DNAJC13: variants seen among roughly 807,000 people sequenced by gnomAD.
DNAJC13 encodes DnaJ heat shock protein family (Hsp40) member C13, also known as dnaJ homolog subfamily C member 13.
Under a neutral mutation model 290.5 loss-of-function variants are expected in DNAJC13, and 75 were observed. The observed-to-expected ratio is 0.26, with a 90% CI of 0.21 to 0.31. The LOEUF is 0.31. Among genes scored for constraint, DNAJC13 ranks in the 10% least tolerant of loss-of-function variants. The probability of loss-of-function intolerance (pLI) is 1.00; values close to 1 mark genes in which losing one functional copy is unlikely to be tolerated. For missense variants in DNAJC13, 2,260 were observed against 2,674.5 expected, an observed-to-expected ratio of 0.85 and a Z score of 3.42; for synonymous variants, 862 against 892.0, an observed-to-expected ratio of 0.97 and a Z score of 0.60.
chr3:132,439,641 T>C (rs1438085038), intron 2 of DNAJC13, among the ~76,000 whole-genome samples: 1 of 152,208 alleles, frequency 6.6e-6, no homozygotes, highest in East Asian at 1.9e-4. Context: ...AATGTTGTGT[T>C]GAAAGCTAGC....
chr3:132,499,765 C>T lies in DNAJC13; in HGVS notation c.4373C>T (p.Ala1458Val), dbSNP rs1270221687. ...VLQEAFSRCVAVLTRASKPSD... is the reference protein window; with the variant it reads ...VLQEAFSRCVVVLTRASKPSD... ...CAAGAGGCATTTAGTCGCTGTGTGG[C>T]TGTCTTGACTCGTGCTAGTAAACCA... The change falls in exon 38 of 56, where the codon GCT becomes GTT. Residue 1458 changes from alanine (A) to valine (V), a missense_variant. Around this residue, in one of 3 missense-constraint regions of DNAJC13, gnomAD observed 1,494 missense variants for 1,693.7 expected, o/e 0.88. Transcript: ENST00000260818. The T allele has an allele frequency of 2.5e-6, 4 of 1,614,060 alleles. No individual in the cohort carries two copies. In the South Asian group the frequency reaches 3.3e-5, roughly 13 times the overall value.
intron 20 of DNAJC13, among the ~76,000 whole-genome samples, chr3:132,470,647 CG>C (rs1934184476): frequency 7.6e-6 from 1 of 131,454 alleles, no homozygotes; most frequent in Non-Finnish European, 1.6e-5. Context: ...CCGGACGGGG[CG>C]GCTGGCCGGG....
intron 48 of DNAJC13, among the ~76,000 whole-genome samples, chr3:132,517,294 T>C (rs1417393928): frequency 6.6e-5 from 10 of 152,220 alleles, no homozygotes; most frequent in Admixed American, 6.5e-4. Context: ...AGATCTTTTA[T>C]TCCAAATCTG....
intron 9 of DNAJC13, 34 bp downstream of exon 9, chr3:132,454,191 G>A (rs750546597): frequency 2.1e-5 from 31 of 1,473,148 alleles, no homozygotes; most frequent in Non-Finnish European, 2.9e-5. Context: ...TGAAATCCTA[G>A]TTGTGCAAGG....
intron 41 of DNAJC13, 126 bp downstream of exon 41, chr3:132,503,507 A>C (rs1935489106): frequency 3.4e-6 from 4 of 1,159,666 alleles, no homozygotes. Flanking sequence ...TGTTCTCTCA[A>C]GCAAGAAATT....
At chr3:132,457,120 T>C (rs1933628806) in intron 12 of DNAJC13, 149 bp from the exon 13 acceptor site, 1 of 696,424 alleles carries the variant, frequency 1.4e-6, no homozygotes, top group East Asian at 2.8e-5. Flanking sequence ...GAAAAAACTA[T>C]TATGAAGACT....
chr3:132,464,221 C>G (rs1157601774), intron 17 of DNAJC13, among the ~76,000 whole-genome samples: 1 of 152,158 alleles, frequency 6.6e-6, no homozygotes, highest in African/African-American at 2.4e-5. Context: ...GTCAAATACT[C>G]TACTTTAAAA....
Position 132,488,370 on chromosome 3 carries a change from CCA to C in DNAJC13, c.3343_3344del (p.Gln1115ValfsTer59). On this transcript the variant is annotated frameshift_variant, in exon 30 of 56. Transcript: ENST00000260818. LOFTEE classifies it high-confidence loss of function. ...GTTATACCATATCATGCAAGATAACCCACAGTTACCCCGCCTTTATCTGAGTG... is the reference window on the plus strand; with the variant it reads ...GTTATACCATATCATGCAAGATAACCCAGTTACCCCGCCTTTATCTGAGTG... ...ILLYHIMQDN[P>X]QLPRLYLSGV... 6.2e-7 allele frequency: 1 copy of C among 1,613,470 alleles called. No individual in the cohort carries two copies. The highest frequency in any genetic ancestry group is 1.7e-4 in the Middle Eastern group (1 of 6,060).
At chr3:132,492,271 C>T in intron 32 of DNAJC13, 143 bp from the exon 33 acceptor site, 1 of 899,882 alleles carries the variant, frequency 1.1e-6, no homozygotes, top group Non-Finnish European at 1.7e-6. Flanking sequence ...CCCAAAGTAC[C>T]ATATTTAAAA....
At chr3:132,434,359 C>G (rs1044543366) in intron 1 of DNAJC13, among the ~76,000 whole-genome samples, 179 bp from the exon 2 acceptor site, 14 of 150,262 alleles carry the variant, frequency 9.3e-5, no homozygotes, top group African/African-American at 2.7e-4. Flanking sequence ...GCACTCCAGC[C>G]TGGGCGACAG....
chr3:132,461,756 A>G (rs1233905108), intron 15 of DNAJC13, among the ~76,000 whole-genome samples: 2 of 152,134 alleles, frequency 1.3e-5, no homozygotes, highest in African/African-American at 2.4e-5. Context: ...CGGTGATGCA[A>G]TCACAGCTCA....
chr3:132,475,551 C>T (rs568357580), intron 22 of DNAJC13, among the ~76,000 whole-genome samples: 75 of 152,088 alleles, frequency 4.9e-4, no homozygotes, highest in African/African-American at 1.7e-3. Context: ...TAATTTTATA[C>T]GTGTGGGTGT....
rs757114599 is a variant in DNAJC13, at chr3:132,514,600, C to G, written c.5415C>G (p.Asp1805Glu). 1 of 1,610,910 alleles carries G rather than the reference C, an allele frequency of 6.2e-7. No individual in the cohort carries two copies. Among genetic ancestry groups the G allele is most frequent in the Non-Finnish European group, 8.5e-7 (1 of 1,178,696 alleles). ...EVVNIVTSNQ[D>E]CVNNIAESMV... ...TGAATATAGTGACATCTAACCAAGA[C>G]TGTGTCAACAATATTGCTGAATCAA... The change falls in exon 46 of 56, where the codon GAC (aspartate) becomes GAG (glutamate). Residue 1805 changes from aspartate to glutamate, a missense_variant. This residue lies in a region of DNAJC13 where 1,494 missense variants were observed against 1,693.7 expected (regional missense o/e 0.88). Coordinates refer to ENST00000260818, the MANE Select transcript of DNAJC13 (RefSeq NM_015268.4).
chr3:132,434,643 T>C, intron 2 of DNAJC13, 25 bp downstream of exon 2: 1 of 1,559,510 alleles, frequency 6.4e-7, no homozygotes, highest in Admixed American at 1.9e-5. Context: ...TGGGTTTTTT[T>C]TTCTGTGCTT....
intron 2 of DNAJC13, among the ~76,000 whole-genome samples, chr3:132,443,310 G>T (rs1359116337): frequency 6.6e-6 from 1 of 152,040 alleles, no homozygotes; most frequent in African/African-American, 2.4e-5. Flanking sequence ...CCACCATCAT[G>T]CCTGGCTAAT....
intron 20 of DNAJC13, among the ~76,000 whole-genome samples, chr3:132,467,983 C>G (rs982757417): frequency 1.3e-5 from 2 of 152,126 alleles, no homozygotes; most frequent in Non-Finnish European, 2.9e-5. Flanking sequence ...AGGTGCTCTT[C>G]CTGTTAGCCT....
Position 132,514,571 on chromosome 3 carries a change from G to C in DNAJC13, c.5386G>C (p.Val1796Leu). The change falls in exon 46 of 56, where the codon GTT becomes CTT. Residue 1796 changes from valine (V) to leucine (L), a missense_variant and splice_region_variant. By Grantham distance (32) the Val-to-Leu change is conservative. Coordinates refer to ENST00000260818, the MANE Select transcript of DNAJC13 (RefSeq NM_015268.4). ...TACTATCCTGTTGATTAATTTTCAG[G>C]TTGTGAATATAGTGACATCTAACCA... ...AGQVQQLALE[V>L]VNIVTSNQDC... The C allele has an allele frequency of 3.8e-6, 6 of 1,596,408 alleles. No homozygotes were observed. Among genetic ancestry groups the C allele is most frequent in the Non-Finnish European group, 5.1e-6 (6 of 1,172,756 alleles).
chr3:132,500,690 A>G, intron 38 of DNAJC13, 104 bp from the exon 39 acceptor site: 1 of 1,466,366 alleles, frequency 6.8e-7, no homozygotes, highest in Non-Finnish European at 9.4e-7. Flanking sequence ...TGTATATACC[A>G]TTAAGCATTA....
In DNAJC13 at chr3:132,523,158, C is replaced by T. The variant is rs373069580; in HGVS notation, c.5845C>T (p.His1949Tyr). 5.0e-6 allele frequency: 8 copies of T among 1,613,626 alleles called. No homozygotes were observed. The highest frequency in any genetic ancestry group is 6.8e-6 in the Non-Finnish European group (8 of 1,179,792). ...STTVREMMLE[H>Y]FKNQQDNPEA... is the part of the protein sequence containing the mutation. ...TATCCATCCCTTTTTTTCCCCAAGGCACTTTAAAAATCAGCAGGACAACCC... is the reference window on the plus strand; with the variant it reads ...TATCCATCCCTTTTTTTCCCCAAGGTACTTTAAAAATCAGCAGGACAACCC... The change falls in exon 50 of 56, where the codon CAC (histidine) becomes TAC (tyrosine). Residue 1949 changes from histidine (H) to tyrosine (Y), a missense_variant and splice_region_variant. His to Tyr is a moderately conservative substitution (Grantham distance 83, BLOSUM62 2). This residue lies in a region of DNAJC13 where 1,494 missense variants were observed against 1,693.7 expected (regional missense o/e 0.88). Transcript: ENST00000260818.
Sources: gnomAD v4.1 joint callset for allele counts (sites outside exome capture counted in the v4.1 genomes callset) on GRCh38, gnomAD v4.1.1 for gene constraint, gnomAD v4.1.1 regional missense constraint, MANE v1.5 for transcripts, NCBI Gene and HGNC (gene_info 2026-07-23, HGNC 2026-07-21) for gene names.